The following ZC3H12B variants were observed in gnomAD, a reference collection of about 807,000 sequenced individuals.
The protein encoded by ZC3H12B is probable ribonuclease ZC3H12B.
In ZC3H12B, 7 loss-of-function variants were observed where a neutral mutation model predicts 43.9. That is an observed-to-expected ratio of 0.16 (90% confidence interval 0.09 to 0.30). The LOEUF (loss-of-function observed/expected upper bound fraction) is 0.30, where lower values mean the gene tolerates loss of function less well. Among genes scored for constraint, ZC3H12B ranks in the 10% least tolerant of loss-of-function variants. The pLI is 1.00. For missense variants in ZC3H12B, 475 were observed against 670.2 expected, an observed-to-expected ratio of 0.71 and a Z score of 3.22; for synonymous variants, 222 against 241.7, an observed-to-expected ratio of 0.92 and a Z score of 0.76.
the ZC3H12B span, among the ~76,000 whole-genome samples, chrX:65,120,236 G>A: frequency 3.6e-5 from 4 of 111,795 alleles, no homozygotes; most frequent in Non-Finnish European, 7.5e-5. Context: ...ATTACCTTGG[G>A]CAGTATGGCC....
chrX:65,168,364 C>T, the ZC3H12B span, among the ~76,000 whole-genome samples: 4 of 111,672 alleles, frequency 3.6e-5, no homozygotes, highest in Non-Finnish European at 7.5e-5. Flanking sequence ...GTTGAACCAG[C>T]CTTGCATCCC....
intron 3 of ZC3H12B, chrX:65,408,463 G>T: frequency 2.5e-6 from 3 of 1,211,327 alleles, no homozygotes; most frequent in Non-Finnish European, 1.1e-6. Flanking sequence ...GGCAGCAGCA[G>T]TTGCAAGCTC....
the ZC3H12B span, among the ~76,000 whole-genome samples, chrX:65,068,782 G>A: frequency 3.1e-4 from 35 of 111,402 alleles, no homozygotes; most frequent in Admixed American, 2.1e-3. Flanking sequence ...GAAGTGTGCC[G>A]TTTAACATTT....
chrX:65,343,985 T>C, the ZC3H12B span, among the ~76,000 whole-genome samples: 1 of 112,106 alleles, frequency 8.9e-6, no homozygotes, highest in African/African-American at 3.2e-5. Flanking sequence ...CAGTGAAACC[T>C]CAGGATAGAA....
chrX:65,293,275 G>C, the ZC3H12B span, among the ~76,000 whole-genome samples: 2 of 110,276 alleles, frequency 1.8e-5, no homozygotes, highest in African/African-American at 6.6e-5. Flanking sequence ...TCAGTTCTCA[G>C]GAAACTTCAA....
chrX:65,264,230 G>A, the ZC3H12B span, among the ~76,000 whole-genome samples: 4 of 111,363 alleles, frequency 3.6e-5, no homozygotes, highest in African/African-American at 1.3e-4. Context: ...CAAGTGATGA[G>A]TGCACTGAAA....
the ZC3H12B span, among the ~76,000 whole-genome samples, chrX:65,170,425 C>T: frequency 1.0e-3 from 117 of 112,032 alleles, no homozygotes; most frequent in African/African-American, 3.8e-3. Flanking sequence ...ATGGGCTTCC[C>T]TTTGTAGGTA....
rs760468864 is a variant in ZC3H12B, at chrX:65,448,182, C to T, written n.408-40464C>T. 4.3e-3 allele frequency among the ~76,000 whole-genome samples: 475 copies of T among 110,795 alleles called. 1 individual carries two copies. Among genetic ancestry groups the T allele is most frequent in the Non-Finnish European group, 5.8e-3 (305 of 52,837 alleles). ...CCCAGGAGGCAGAGCTTGCAGTGAG[C>T]CAAGACCACACCACTGCACTCCAGC... On this transcript the variant is annotated intron_variant and non_coding_transcript_variant, in intron 3 of 5. Transcript: ENST00000617377.
intron 3 of ZC3H12B, among the ~76,000 whole-genome samples, chrX:65,423,174 G>A (rs5918566): frequency 2.9e-4 from 32 of 110,395 alleles, no homozygotes; most frequent in Non-Finnish European, 5.3e-4. Flanking sequence ...CTTGTGATCC[G>A]CATGCCTCGG....
chrX:65,285,367 C>A, the ZC3H12B span, among the ~76,000 whole-genome samples: 2 of 110,470 alleles, frequency 1.8e-5, no homozygotes, highest in African/African-American at 6.6e-5. Flanking sequence ...CTCAGGGAAC[C>A]CCAGGCATAG....
chrX:65,313,702 T>A, the ZC3H12B span, among the ~76,000 whole-genome samples: 1 of 112,042 alleles, frequency 8.9e-6, no homozygotes, highest in Non-Finnish European at 1.9e-5. Context: ...CAAATTAAGT[T>A]TTTTTCCGAA....
chrX:65,233,545 TCAA>T, the ZC3H12B span, among the ~76,000 whole-genome samples: 1 of 100,850 alleles, frequency 9.9e-6, no homozygotes, highest in Non-Finnish European at 2.0e-5. Flanking sequence ...AAAAAAAAAA[TCAA>T]CAATGAAAAT....
chrX:65,054,283 G>C, the ZC3H12B span, among the ~76,000 whole-genome samples: 1 of 111,639 alleles, frequency 9.0e-6, no homozygotes, highest in African/African-American at 3.3e-5. Flanking sequence ...ATTAATTTTT[G>C]TATAAGGTGT....
At chrX:65,137,823 T>C in the ZC3H12B span, among the ~76,000 whole-genome samples, 2 of 112,650 alleles carry the variant, frequency 1.8e-5, no homozygotes, top group Non-Finnish European at 3.8e-5. Context: ...TTGACCATAG[T>C]CACATAATTT....
the ZC3H12B span, among the ~76,000 whole-genome samples, chrX:65,153,455 T>C: frequency 8.9e-6 from 1 of 112,403 alleles, no homozygotes; most frequent in Non-Finnish European, 1.9e-5. Context: ...AAGACATTTA[T>C]GCAGCCAAAA....
the ZC3H12B span, among the ~76,000 whole-genome samples, chrX:65,084,192 G>A: frequency 8.9e-6 from 1 of 111,803 alleles, no homozygotes; most frequent in Admixed American, 9.5e-5. Context: ...CAGGACATTG[G>A]TCTGGGCAAA....
chrX:65,328,792 T>C, the ZC3H12B span, among the ~76,000 whole-genome samples: 1 of 98,445 alleles, frequency 1.0e-5, no homozygotes. Context: ...AGTGAGAAAA[T>C]GCGGTGTTTG....
chrX:65,051,777 T>A, the ZC3H12B span, among the ~76,000 whole-genome samples: 2 of 110,479 alleles, frequency 1.8e-5, no homozygotes, highest in Non-Finnish European at 3.8e-5. Context: ...GGAGGCTAGG[T>A]TTTTTTAAGG....
chrX:65,417,945 C>A (rs2066978902), intron 3 of ZC3H12B, among the ~76,000 whole-genome samples: 1 of 112,426 alleles, frequency 8.9e-6, no homozygotes, highest in South Asian at 3.6e-4. Flanking sequence ...TTATTGTATT[C>A]TCATGCTATT....
Sources: gnomAD v4.1 joint callset for allele counts (sites outside exome capture counted in the v4.1 genomes callset) on GRCh38, gnomAD v4.1.1 for gene constraint, MANE v1.5 for transcripts, NCBI Gene and HGNC (gene_info 2026-07-23, HGNC 2026-07-21) for gene names.